Variants in RPH3A observed in about 807,000 individuals in gnomAD.
RPH3A encodes rabphilin-3A.
In RPH3A, 48 loss-of-function variants were observed where a neutral mutation model predicts 102.2. The ratio of observed to expected loss-of-function variants is 0.47; its 90% CI spans 0.37 to 0.60. The LOEUF is 0.60. Ranked by LOEUF, RPH3A falls within the 20% of genes least tolerant of loss-of-function variation. The pLI is 0.00. For synonymous variants in RPH3A, 310 were observed against 324.3 expected, an observed-to-expected ratio of 0.96 and a Z score of 0.47; for missense variants, 781 against 910.1, an observed-to-expected ratio of 0.86 and a Z score of 1.83.
rs61545954 is a variant in RPH3A, at chr12:112,725,265, A to C, written c.-139-66878A>C. On this transcript the variant is annotated intron_variant, in intron 1 of 21. Transcript: ENST00000543106. The stretch of plus-strand genomic sequence containing the variant: ...CTTTGTCTCAGAAAAAAAAAAAAAA[A>C]AAAAAAAAAAAAAACACGTTTTAAT... Among the ~76,000 whole-genome samples, 180 of 129,314 alleles carry C rather than the reference A, an allele frequency of 1.4e-3. 1 individual carries two copies. The highest frequency in any genetic ancestry group is 2.5e-3 in the South Asian group (10 of 4,036). The allele number at this position is 129,314 out of a possible 152,430, so 84.8% of individuals were successfully genotyped here. A position where few individuals can be genotyped will look rare whatever the true frequency, so the allele number is the denominator to read the frequency against.
intron 1 of RPH3A, among the ~76,000 whole-genome samples, chr12:112,676,801 G>C (rs1426920358): frequency 1.8e-4 from 28 of 152,214 alleles, no homozygotes; most frequent in Admixed American, 1.8e-3. Flanking sequence ...CATATGCAGA[G>C]AGACATCCTG....
Position 112,869,779 on chromosome 12 carries a change from G to A in RPH3A, c.631G>A (p.Gly211Ser). 6.2e-7 allele frequency: 1 copy of A among 1,614,074 alleles called. No individual in the cohort carries two copies. The highest frequency in any genetic ancestry group is 8.5e-7 in the Non-Finnish European group (1 of 1,180,002). Reference sequence around the variant, plus strand: ...TCCAGGTGACAGTGAAGATAGGAGGGGCCCGGGTCAGAAGACAGGTGGGTT... The same window carrying A: ...TCCAGGTGACAGTGAAGATAGGAGGAGCCCGGGTCAGAAGACAGGTGGGTT... ...PARGDSEDRR[G>S]PGQKTGPDPA... Residue 211 changes from glycine (G) to serine (S), a missense_variant, in exon 9 of 22, where the codon GGC becomes AGC. Transcript: ENST00000389385.
intron 2 of RPH3A, among the ~76,000 whole-genome samples, chr12:112,800,910 C>A (rs2041334385): frequency 6.6e-6 from 1 of 152,140 alleles, no homozygotes; most frequent in Non-Finnish European, 1.5e-5. Flanking sequence ...TCTGCAAATG[C>A]CCGTTCCACG....
chr12:112,755,369 A>G (rs184995009), intron 1 of RPH3A, among the ~76,000 whole-genome samples: 37 of 151,868 alleles, frequency 2.4e-4, no homozygotes, highest in Non-Finnish European at 1.5e-5. Flanking sequence ...AAATACACAC[A>G]TATGTGTCCG....
chr12:112,889,245 G>A (rs1443457047), intron 17 of RPH3A, among the ~76,000 whole-genome samples: 1 of 152,228 alleles, frequency 6.6e-6, no homozygotes, highest in African/African-American at 2.4e-5. Flanking sequence ...TGACAGCTGG[G>A]TCTTCAGGCT....
intron 1 of RPH3A, among the ~76,000 whole-genome samples, chr12:112,763,381 G>T (rs770069385): frequency 6.6e-6 from 1 of 152,194 alleles, no homozygotes; most frequent in Admixed American, 6.5e-5. Context: ...AAGGTGTTTG[G>T]GCTACAACTT....
intron 1 of RPH3A, among the ~76,000 whole-genome samples, chr12:112,683,427 G>C (rs1350320832): frequency 6.6e-6 from 1 of 152,210 alleles, no homozygotes; most frequent in African/African-American, 2.4e-5. Context: ...GTTTAGGAAA[G>C]AAGTTGATAT....
At chr12:112,657,251 T>C (rs1166775611) in intron 1 of RPH3A, among the ~76,000 whole-genome samples, 1 of 152,200 alleles carries the variant, frequency 6.6e-6, no homozygotes, top group East Asian at 1.9e-4. Context: ...TTTTGAGAAA[T>C]GTCTGTTTAT....
chr12:112,686,230 T>C (rs561740801), intron 1 of RPH3A, among the ~76,000 whole-genome samples: 6 of 152,254 alleles, frequency 3.9e-5, no homozygotes, highest in African/African-American at 1.4e-4. Context: ...TACTTTCATC[T>C]TCCAGAACTT....
intron 1 of RPH3A, among the ~76,000 whole-genome samples, chr12:112,778,056 G>T (rs535869974): frequency 5.3e-5 from 8 of 152,322 alleles, no homozygotes; most frequent in African/African-American, 1.9e-4. Context: ...CAAATTTATT[G>T]ACAGAAATTC....
At chr12:112,621,034 G>C (rs1355074868) in intron 1 of RPH3A, among the ~76,000 whole-genome samples, 1 of 150,618 alleles carries the variant, frequency 6.6e-6, no homozygotes, top group Admixed American at 6.6e-5. Flanking sequence ...GTAGAGATAG[G>C]GTCTTGCTAT....
intron 1 of RPH3A, among the ~76,000 whole-genome samples, chr12:112,683,573 T>C (rs2040241422): frequency 6.6e-6 from 1 of 151,994 alleles, no homozygotes; most frequent in Non-Finnish European, 1.5e-5. Flanking sequence ...AACCAGCAAG[T>C]GTGTTCAATA....
chr12:112,876,652 G>C lies in RPH3A; in HGVS notation c.957G>C (p.Pro319=), dbSNP rs140784190. The C allele has an allele frequency of 1.7e-5, 28 of 1,606,658 alleles. No homozygotes were observed. In the African/African-American group the frequency reaches 2.5e-4, roughly 15 times the overall value. Residue 319 remains proline, a synonymous_variant, in exon 13 of 22, where the codon CCG becomes CCC. Transcript: ENST00000389385. ...RFPDQKPEVA[P]SDPGTTAPPR... is the part of the protein sequence containing the mutation. ...CTTATCTCCCTGCAGAGGTGGCTCC[G>C]AGCGACCCTGGGACCACTGCCCCAC...
At chr12:112,863,512 G>A (rs914514205) in intron 5 of RPH3A, among the ~76,000 whole-genome samples, 2 of 152,198 alleles carry the variant, frequency 1.3e-5, no homozygotes, top group African/African-American at 4.8e-5. Context: ...TAGAGACGGG[G>A]TTTCACCATG....
At chr12:112,873,357 C>A (rs562123088) in intron 10 of RPH3A, among the ~76,000 whole-genome samples, 12 of 152,222 alleles carry the variant, frequency 7.9e-5, no homozygotes, top group Admixed American at 6.5e-4. Context: ...AGGCAGTTCA[C>A]GTGCAGAGCC....
At chr12:112,831,691 G>A (rs369587315) in intron 3 of RPH3A, 2 of 388,086 alleles carry the variant, frequency 5.2e-6, no homozygotes, top group Non-Finnish European at 1.0e-5. Context: ...CTGTTGGTAA[G>A]CTCTCTCAGA....
At chr12:112,866,898 G>T (rs1217459083) in intron 7 of RPH3A, 58 bp downstream of exon 7, 22 of 1,387,052 alleles carry the variant, frequency 1.6e-5, no homozygotes, top group Non-Finnish European at 2.1e-5. Context: ...GCCAGCTTAA[G>T]AGGTGCCTTA....
At chr12:112,773,993 G>A (rs1463748459) in intron 1 of RPH3A, among the ~76,000 whole-genome samples, 3 of 149,046 alleles carry the variant, frequency 2.0e-5, no homozygotes, top group Non-Finnish European at 4.4e-5. Context: ...GCTGAGGCAG[G>A]ACAATCGCTT....
intron 1 of RPH3A, among the ~76,000 whole-genome samples, chr12:112,669,104 A>G (rs1451677414): frequency 2.0e-5 from 3 of 152,200 alleles, no homozygotes; most frequent in African/African-American, 7.2e-5. Flanking sequence ...TAGGTTGCTC[A>G]CTGCTCAAGA....
Sources: allele counts gnomAD v4.1 joint callset (sites outside exome capture counted in the v4.1 genomes callset), GRCh38; gene constraint gnomAD v4.1.1; transcripts MANE v1.5; gene names NCBI Gene and HGNC (gene_info 2026-07-23, HGNC 2026-07-21).